The following AFP variants were observed in gnomAD, a reference collection of about 807,000 sequenced individuals.
AFP encodes alpha-fetoprotein.
A neutral mutation model predicts 78.9 loss-of-function variants in AFP; 64 were observed. The ratio of observed to expected loss-of-function variants is 0.81; its 90% CI spans 0.66 to 1.00. The LOEUF (loss-of-function observed/expected upper bound fraction) is 1.00. AFP is among the 50% of genes least tolerant of loss of function. The pLI, the probability that AFP is intolerant of heterozygous loss-of-function variation, is 0.00. For missense variants in AFP, 689 were observed against 703.8 expected, an observed-to-expected ratio of 0.98 and a Z score of 0.24; for synonymous variants, 254 against 243.8, an observed-to-expected ratio of 1.04 and a Z score of -0.39.
chr4:73,448,248 G>A (rs769586940), intron 8 of AFP, among the ~76,000 whole-genome samples: 2 of 152,036 alleles, frequency 1.3e-5, no homozygotes, highest in Non-Finnish European at 1.5e-5. Context: ...CAACTGATAG[G>A]TCACGTTCTC....
In AFP at chr4:73,440,650, A is replaced by G. The variant is rs1270865368; in HGVS notation, c.319A>G (p.Lys107Glu). 1.9e-6 allele frequency: 3 copies of G among 1,614,062 alleles called. No homozygotes were observed. Among genetic ancestry groups the G allele is most frequent in the Non-Finnish European group, 8.5e-7 (1 of 1,180,042 alleles). Reference sequence around the variant, plus strand: ...TTGCCATGAGAAAGAAATTTTGGAGAAGTACGGACATTCAGACTGCTGCAG... The same window carrying G: ...TTGCCATGAGAAAGAAATTTTGGAGGAGTACGGACATTCAGACTGCTGCAG... Reference protein sequence around the residue: ...ELCHEKEILEKYGHSDCCSQS... With the variant: ...ELCHEKEILEEYGHSDCCSQS... The change falls in exon 4 of 15, where the codon AAG becomes GAG. Residue 107 changes from lysine (K) to glutamate (E), a missense_variant. Transcript: ENST00000395792.
intron 7 of AFP, 96 bp from the exon 8 acceptor site, chr4:73,447,366 C>G: frequency 1.2e-6 from 1 of 818,666 alleles, no homozygotes; most frequent in Non-Finnish European, 1.8e-6. Flanking sequence ...TTCCCTTCTC[C>G]CTCCCTCCCC....
At chr4:73,449,498 G>T in intron 9 of AFP, 31 bp downstream of exon 9, 1 of 1,612,090 alleles carries the variant, frequency 6.2e-7, no homozygotes, top group South Asian at 1.1e-5. Flanking sequence ...AGGGGAGTAT[G>T]AAAAACTGGA....
chr4:73,440,448 T>C (rs527346957), intron 3 of AFP, among the ~76,000 whole-genome samples, 154 bp from the exon 4 acceptor site: 3 of 152,338 alleles, frequency 2.0e-5, no homozygotes, highest in Admixed American at 6.5e-5. Context: ...GAAATCTATT[T>C]CATCAGGCTG....
At position 73,438,306 on chromosome 4, in the gene AFP, G is replaced by A. The variant is rs776275608; in HGVS notation, c.270G>A (p.Gln90=). The A allele has an allele frequency of 1.0e-4, 166 of 1,611,268 alleles. No homozygotes were observed. Among genetic ancestry groups the A allele is most frequent in the African/African-American group, 7.9e-4 (59 of 74,932 alleles). ...AGTCTTCAGGGTGTTTAGAAAACCA[G>A]GTGAGTGAATAATTTTAAAAAAGCA... ...DEQSSGCLEN[Q]LPAFLEELCH... is the part of the protein sequence containing the mutation. Residue 90 remains glutamine (Q), a splice_region_variant and synonymous_variant, in exon 3 of 15, where the codon CAG becomes CAA. Transcript: ENST00000395792.
intron 7 of AFP, among the ~76,000 whole-genome samples, chr4:73,446,898 A>G (rs1249067583): frequency 6.6e-6 from 1 of 152,214 alleles, no homozygotes; most frequent in African/African-American, 2.4e-5. Context: ...GTAAGTGGAA[A>G]GGAATGAGAA....
At chr4:73,438,394 G>A in intron 3 of AFP, 88 bp downstream of exon 3, 1 of 1,449,670 alleles carries the variant, frequency 6.9e-7, no homozygotes, top group Non-Finnish European at 9.4e-7. Flanking sequence ...AGTGAAAAAT[G>A]CATTTATATA....
chr4:73,450,866 G>A, intron 11 of AFP, 113 bp downstream of exon 11: 37 of 1,563,654 alleles, frequency 2.4e-5, no homozygotes, highest in Non-Finnish European at 3.2e-5. Context: ...ATGGCCTTAG[G>A]AGGCTTGTTT....
intron 7 of AFP, among the ~76,000 whole-genome samples, chr4:73,446,207 G>C (rs895570081): frequency 6.6e-6 from 1 of 152,102 alleles, no homozygotes; most frequent in Non-Finnish European, 1.5e-5. Flanking sequence ...TACTTTACTT[G>C]TTTTTCTTCT....
intron 2 of AFP, 118 bp from the exon 3 acceptor site, chr4:73,438,056 G>A: frequency 7.1e-7 from 1 of 1,416,146 alleles, no homozygotes; most frequent in African/African-American, 1.4e-5. Flanking sequence ...CAAATCAAAT[G>A]TCTAAACAGA....
At chr4:73,437,820 C>T (rs901991450) in intron 2 of AFP, among the ~76,000 whole-genome samples, 6 of 151,808 alleles carry the variant, frequency 4.0e-5, no homozygotes, top group Admixed American at 3.9e-4. Flanking sequence ...TGTCTAATTA[C>T]CAATTTTTTT....
chr4:73,440,931 T>C (rs1038621061), intron 4 of AFP, 118 bp downstream of exon 4: 8 of 1,013,166 alleles, frequency 7.9e-6, no homozygotes, highest in Admixed American at 2.6e-5. Context: ...GTTTCTTTGG[T>C]GTTGTGTCTG....
At chr4:73,452,717 A>G (rs1314573141) in intron 12 of AFP, 93 bp downstream of exon 12, 1 of 1,015,126 alleles carries the variant, frequency 9.9e-7, no homozygotes, top group Non-Finnish European at 1.5e-6. Context: ...TATTGGGCTC[A>G]CTAACAGAGC....
At chr4:73,438,839 C>T (rs1444564619) in intron 3 of AFP, among the ~76,000 whole-genome samples, 3 of 151,992 alleles carry the variant, frequency 2.0e-5, no homozygotes, top group Non-Finnish European at 4.4e-5. Flanking sequence ...GCTTTGCTTA[C>T]CTATATTTAT....
intron 11 of AFP, among the ~76,000 whole-genome samples, chr4:73,451,966 T>C (rs533196694): frequency 1.4e-3 from 208 of 152,348 alleles, no homozygotes; most frequent in Non-Finnish European, 2.2e-3. Context: ...TGCAAGTGTA[T>C]ACATGTGTAT....
chr4:73,450,460 G>A, intron 10 of AFP, 155 bp from the exon 11 acceptor site: 7 of 983,174 alleles, frequency 7.1e-6, no homozygotes, highest in African/African-American at 1.6e-5. Flanking sequence ...TAGAGTAAAT[G>A]CATCTCAAAA....
intron 7 of AFP, among the ~76,000 whole-genome samples, chr4:73,445,401 A>C (rs1719791451): frequency 6.6e-6 from 1 of 152,206 alleles, no homozygotes; most frequent in South Asian, 2.1e-4. Flanking sequence ...CTCCATAGTT[A>C]CTTGGAGGAC....
Position 73,440,709 on chromosome 4 carries a change from T to G in AFP, c.378T>G (p.Leu126=). 6.2e-7 allele frequency: 1 copy of G among 1,614,178 alleles called. No individual in the cohort carries two copies. ...QSEEGRHNCF[L]AHKKPTPASI... ...AAGAGGGAAGACATAACTGTTTTCT[T>G]GCACACAAAAAGCCCACTCCAGCAT... is the stretch of plus-strand genomic sequence containing the variant. Residue 126 remains leucine, a synonymous_variant, in exon 4 of 15, where the codon CTT becomes CTG. Coordinates refer to ENST00000395792, the MANE Select transcript of AFP (RefSeq NM_001134.3).
At chr4:73,440,417 C>T (rs1719623768) in intron 3 of AFP, among the ~76,000 whole-genome samples, 185 bp from the exon 4 acceptor site, 1 of 152,110 alleles carries the variant, frequency 6.6e-6, no homozygotes, top group African/African-American at 2.4e-5. Context: ...ATTAAAGTCT[C>T]ATTTTCCATA....
Sources: gnomAD v4.1 joint callset for allele counts (sites outside exome capture counted in the v4.1 genomes callset) on GRCh38, gnomAD v4.1.1 for gene constraint, MANE v1.5 for transcripts, NCBI Gene and HGNC (gene_info 2026-07-23, HGNC 2026-07-21) for gene names.